Variants in RAD51B observed in about 807,000 individuals in gnomAD.
RAD51B encodes RAD51 paralog B.
Under a neutral mutation model 42.2 loss-of-function variants are expected in RAD51B, and 38 were observed. The observed-to-expected ratio is 0.90, with a 90% CI of 0.70 to 1.18. RAD51B has a LOEUF of 1.18. RAD51B is among the 50% of genes most tolerant of loss of function. RAD51B has a pLI of 0.00. For missense variants in RAD51B, 373 were observed against 400.7 expected (o/e 0.93, Z 0.59); for synonymous variants, 154 against 145.2 (o/e 1.06, Z -0.43).
rs556174722 is a variant in RAD51B, at chr14:68,307,053, G to A, written c.853+15073G>A. On this transcript the variant is annotated intron_variant, in intron 8 of 10. Coordinates refer to ENST00000471583, the MANE Select transcript of RAD51B (RefSeq NM_133510.4). ...CTGGAATTTGACAGGGTCAGTTCATGTCTGGGTTTTCAGCACTTAATACAG... is the reference window on the plus strand; with the variant it reads ...CTGGAATTTGACAGGGTCAGTTCATATCTGGGTTTTCAGCACTTAATACAG... Among the ~76,000 whole-genome samples, 5 of 150,772 alleles carry A rather than the reference G, an allele frequency of 3.3e-5. No individual in the cohort carries two copies. The East Asian group carries it at 7.8e-4, about 23-fold the overall frequency.
chr14:68,559,281 G>A (rs1403879856), intron 10 of RAD51B, among the ~76,000 whole-genome samples: 1 of 151,846 alleles, frequency 6.6e-6, no homozygotes, highest in Non-Finnish European at 1.5e-5. Flanking sequence ...CTCATGTAGT[G>A]TCATACATGT....
intron 7 of RAD51B, among the ~76,000 whole-genome samples, chr14:67,989,728 G>A (rs1188556213): frequency 1.3e-5 from 2 of 151,556 alleles, no homozygotes; most frequent in Admixed American, 6.6e-5. Flanking sequence ...ACCCCCCACA[G>A]GCCACAACTG....
chr14:68,003,244 T>C (rs2075520405), intron 7 of RAD51B, among the ~76,000 whole-genome samples: 1 of 152,014 alleles, frequency 6.6e-6, no homozygotes, highest in Non-Finnish European at 1.5e-5. Context: ...GGTCCTTCAC[T>C]TCCCTTGTTA....
intron 10 of RAD51B, among the ~76,000 whole-genome samples, chr14:68,628,015 G>A (rs1243315048): frequency 6.6e-6 from 1 of 152,050 alleles, no homozygotes; most frequent in Admixed American, 6.5e-5. Context: ...AAGTGACAGT[G>A]AACAGAAAAA....
At chr14:67,893,731 T>C (rs1044156688) in intron 7 of RAD51B, among the ~76,000 whole-genome samples, 2 of 152,200 alleles carry the variant, frequency 1.3e-5, no homozygotes, top group African/African-American at 4.8e-5. Flanking sequence ...GCGGGTTTTA[T>C]GAGTAGAAGT....
intron 7 of RAD51B, among the ~76,000 whole-genome samples, chr14:67,901,890 GT>G (rs1362248302): frequency 6.6e-6 from 1 of 151,984 alleles, no homozygotes; most frequent in Non-Finnish European, 1.5e-5. Context: ...ATGATAGACA[GT>G]GGAGACTGGG....
At chr14:68,382,910 G>T (rs190063347) in intron 8 of RAD51B, among the ~76,000 whole-genome samples, 2 of 151,966 alleles carry the variant, frequency 1.3e-5, no homozygotes, top group Admixed American at 1.3e-4. Flanking sequence ...CTTTTTTTTG[G>T]CCTGGGTGCA....
intron 7 of RAD51B, among the ~76,000 whole-genome samples, chr14:67,920,992 GA>G (rs1246403717): frequency 6.6e-6 from 1 of 152,174 alleles, no homozygotes; most frequent in Non-Finnish European, 1.5e-5. Flanking sequence ...GAGTAATGGG[GA>G]AGACCGGGGA....
chr14:68,387,443 C>T (rs906049780), intron 8 of RAD51B, among the ~76,000 whole-genome samples: 1 of 152,156 alleles, frequency 6.6e-6, no homozygotes, highest in African/African-American at 2.4e-5. Context: ...GATGATGGCA[C>T]GTTTTTGTTA....
chr14:68,261,001 T>C (rs1413354450), intron 7 of RAD51B, among the ~76,000 whole-genome samples: 1 of 152,264 alleles, frequency 6.6e-6, no homozygotes, highest in African/African-American at 2.4e-5. Context: ...TATCTCAGAC[T>C]TGGGCTAGAA....
chr14:68,281,475 A>T (rs912003295), intron 7 of RAD51B, among the ~76,000 whole-genome samples: 1 of 152,198 alleles, frequency 6.6e-6, no homozygotes, highest in South Asian at 2.1e-4. Context: ...CTACCTGAGT[A>T]GGTGTGGAAT....
chr14:68,164,445 A>G (rs1460024274), intron 7 of RAD51B, among the ~76,000 whole-genome samples: 1 of 152,096 alleles, frequency 6.6e-6, no homozygotes, highest in Non-Finnish European at 1.5e-5. Flanking sequence ...ACATTGGTGA[A>G]GTTCCCTGAA....
chr14:68,507,797 G>T (rs572117321), intron 10 of RAD51B, among the ~76,000 whole-genome samples: 2 of 152,160 alleles, frequency 1.3e-5, no homozygotes, highest in Non-Finnish European at 2.9e-5. Flanking sequence ...TTTGATCCAC[G>T]GTTCACGTTC....
chr14:67,945,002 T>C (rs2045342011), intron 7 of RAD51B, among the ~76,000 whole-genome samples: 1 of 152,206 alleles, frequency 6.6e-6, no homozygotes, highest in Admixed American at 6.5e-5. Context: ...CTACCTTGAA[T>C]ATATTACTGT....
At chr14:68,527,237 C>G (rs1246438506) in intron 10 of RAD51B, among the ~76,000 whole-genome samples, 1 of 152,180 alleles carries the variant, frequency 6.6e-6, no homozygotes, top group Non-Finnish European at 1.5e-5. Flanking sequence ...AACCTTATCC[C>G]CATGAAAGAG....
chr14:67,881,333 G>T (rs2042899617), intron 5 of RAD51B, among the ~76,000 whole-genome samples: 1 of 152,142 alleles, frequency 6.6e-6, no homozygotes, highest in African/African-American at 2.4e-5. Context: ...TCTTCACCTT[G>T]TGTAAACCCG....
chr14:68,119,047 C>G (rs893947143), intron 7 of RAD51B, among the ~76,000 whole-genome samples: 5 of 152,010 alleles, frequency 3.3e-5, no homozygotes, highest in Non-Finnish European at 7.4e-5. Flanking sequence ...GCCTCGACCT[C>G]CCTGGCCTCA....
chr14:68,604,488 G>A (rs1315329617), intron 10 of RAD51B, among the ~76,000 whole-genome samples: 1 of 152,214 alleles, frequency 6.6e-6, no homozygotes, highest in Non-Finnish European at 1.5e-5. Context: ...CCCTGATCCT[G>A]TCAGCCCTCC....
intron 7 of RAD51B, among the ~76,000 whole-genome samples, chr14:68,257,743 A>G (rs1302822903): frequency 2.0e-5 from 3 of 152,040 alleles, no homozygotes; most frequent in African/African-American, 7.3e-5. Flanking sequence ...TTATATAAAT[A>G]TGTTAGGTTT....
Sources: allele counts gnomAD v4.1 joint callset (sites outside exome capture counted in the v4.1 genomes callset), GRCh38; gene constraint gnomAD v4.1.1; transcripts MANE v1.5; gene names NCBI Gene and HGNC (gene_info 2026-07-23, HGNC 2026-07-21).